LOC128092252: variants seen among roughly 807,000 people sequenced by gnomAD.
chr15:50,680,722 T>A, the LOC128092252 span, among the ~76,000 whole-genome samples: 20 of 152,012 alleles, frequency 1.3e-4, no homozygotes, highest in African/African-American at 3.1e-4. Flanking sequence ...ATAACTTTTT[T>A]AAAAAAAACC....
chr15:50,660,569 C>T, the LOC128092252 span, among the ~76,000 whole-genome samples: 2 of 152,110 alleles, frequency 1.3e-5, no homozygotes, highest in Non-Finnish European at 2.9e-5. Flanking sequence ...GCATGAGAAT[C>T]GCTTGAACCC....
At chr15:50,677,521 G>C in the LOC128092252 span, among the ~76,000 whole-genome samples, 2 of 150,360 alleles carry the variant, frequency 1.3e-5, no homozygotes, top group African/African-American at 4.9e-5. Context: ...CAGGCGGATC[G>C]CAAGGTCAGA....
the LOC128092252 span, among the ~76,000 whole-genome samples, chr15:50,667,427 C>A: frequency 6.6e-6 from 1 of 152,150 alleles, no homozygotes. Flanking sequence ...AGCTGCTGGC[C>A]GGGCACAGTG....
the LOC128092252 span, among the ~76,000 whole-genome samples, chr15:50,650,901 G>A: frequency 6.6e-6 from 1 of 152,276 alleles, no homozygotes; most frequent in African/African-American, 2.4e-5. Context: ...AAAATTCCCA[G>A]ACATTGGCCG....
At chr15:50,660,898 C>T in the LOC128092252 span, among the ~76,000 whole-genome samples, 12 of 151,678 alleles carry the variant, frequency 7.9e-5, no homozygotes, top group African/African-American at 2.7e-4. Context: ...GGCTAAAAAT[C>T]GAAAACAACT....
the LOC128092252 span, among the ~76,000 whole-genome samples, chr15:50,672,273 G>A: frequency 2.0e-5 from 3 of 151,940 alleles, no homozygotes; most frequent in East Asian, 5.9e-4. Flanking sequence ...GGATGTTCTG[G>A]ATCTCCTGAC....
At chr15:50,656,256 A>T in the LOC128092252 span, among the ~76,000 whole-genome samples, 1 of 152,074 alleles carries the variant, frequency 6.6e-6, no homozygotes, top group Non-Finnish European at 1.5e-5. Context: ...AGGACTGGAG[A>T]TGGTTAAGTA....
At chr15:50,676,169 C>A in the LOC128092252 span, among the ~76,000 whole-genome samples, 1 of 152,140 alleles carries the variant, frequency 6.6e-6, no homozygotes, top group African/African-American at 2.4e-5. Context: ...TACAAATAAA[C>A]CTAAGCACAC....
the LOC128092252 span, among the ~76,000 whole-genome samples, chr15:50,678,927 G>A: frequency 6.6e-6 from 1 of 152,158 alleles, no homozygotes. Flanking sequence ...AGGCTGGAGT[G>A]CAATGGCGTG....
chr15:50,673,099 A>T, the LOC128092252 span, among the ~76,000 whole-genome samples: 1 of 152,068 alleles, frequency 6.6e-6, no homozygotes, highest in African/African-American at 2.4e-5. Flanking sequence ...CTTTTTATAA[A>T]TTTAGTGTAG....
the LOC128092252 span, among the ~76,000 whole-genome samples, chr15:50,666,367 G>A: frequency 6.6e-6 from 1 of 152,044 alleles, no homozygotes; most frequent in African/African-American, 2.4e-5. Context: ...CTGAACCCAG[G>A]GAGCTCGAGG....
the LOC128092252 span, among the ~76,000 whole-genome samples, chr15:50,674,500 AATT>A: frequency 6.6e-6 from 1 of 152,080 alleles, no homozygotes; most frequent in African/African-American, 2.4e-5. Context: ...TCCCTTAACA[AATT>A]ATTGTTGCTA....
At chr15:50,657,242 T>C in the LOC128092252 span, among the ~76,000 whole-genome samples, 5 of 152,152 alleles carry the variant, frequency 3.3e-5, no homozygotes, top group Non-Finnish European at 7.3e-5. Context: ...GAGAATTGCT[T>C]GAACCCATGA....
At chr15:50,661,771 C>T in the LOC128092252 span, among the ~76,000 whole-genome samples, 7 of 152,042 alleles carry the variant, frequency 4.6e-5, no homozygotes, top group Admixed American at 3.3e-4. Context: ...TGACAGGAGA[C>T]GGAAAAGGAA....
the LOC128092252 span, chr15:50,686,462 G>A: frequency 1.2e-6 from 2 of 1,613,196 alleles, no homozygotes; most frequent in African/African-American, 2.7e-5. Flanking sequence ...ACACTTGCCT[G>A]CCAAGTCTCT....
At chr15:50,657,957 A>G in the LOC128092252 span, 1 of 558,436 alleles carries the variant, frequency 1.8e-6, no homozygotes, top group East Asian at 3.0e-5. Context: ...TAGTTCACGT[A>G]TACCTTGATT....
At chr15:50,669,737 T>C in the LOC128092252 span, among the ~76,000 whole-genome samples, 1 of 152,100 alleles carries the variant, frequency 6.6e-6, no homozygotes, top group African/African-American at 2.4e-5. Flanking sequence ...TAGGCTGACC[T>C]TGCTTTCTCC....
chr15:50,666,824 G>C, the LOC128092252 span, among the ~76,000 whole-genome samples: 1 of 152,106 alleles, frequency 6.6e-6, no homozygotes, highest in East Asian at 1.9e-4. Flanking sequence ...AGAGGCGGTG[G>C]AGGTGGCAGC....
the LOC128092252 span, among the ~76,000 whole-genome samples, chr15:50,675,049 A>G: frequency 6.6e-6 from 1 of 152,194 alleles, no homozygotes; most frequent in Non-Finnish European, 1.5e-5. Context: ...GCATGTTTCA[A>G]GAAAATCTCC....
Sources: gnomAD v4.1 joint callset for allele counts (sites outside exome capture counted in the v4.1 genomes callset) on GRCh38, gnomAD v4.1.1 for gene constraint, MANE v1.5 for transcripts.